Variants in ANAPC7 observed in about 807,000 individuals in gnomAD.
ANAPC7 encodes the protein anaphase promoting complex subunit 7.
In ANAPC7, 25 loss-of-function variants were observed where a neutral mutation model predicts 63.3. The ratio of observed to expected loss-of-function variants is 0.39; its 90% CI spans 0.29 to 0.55. ANAPC7 has a LOEUF of 0.55. ANAPC7 is among the 20% of genes least tolerant of loss of function. The probability of loss-of-function intolerance (pLI) is 0.57; values close to 1 mark genes in which losing one functional copy is unlikely to be tolerated. For synonymous variants in ANAPC7, 241 were observed against 251.7 expected (o/e 0.96, Z 0.40); for missense variants, 516 against 691.7 (o/e 0.75, Z 2.85).
chr12:110,382,459 AAAATATATATATATATAT>A lies in ANAPC7; in HGVS notation c.935+366_935+383del, dbSNP rs1248643440. 9.6e-5 allele frequency among the ~76,000 whole-genome samples: 5 copies of A among 51,984 alleles called. No homozygotes were observed. The Admixed American group carries it at 1.1e-3, about 11-fold the overall frequency. The allele number at this position is 51,984 out of a possible 152,430, so 34.1% of individuals were successfully genotyped here. On this transcript the variant is annotated intron_variant, in intron 7 of 10. Transcript: ENST00000455511. ...ATCCTTTTAAAAAAAAAAAAAAAAA[AAAATATATATATATATAT>A]ATATATATATATATATATTTATAGA...
Position 110,382,831 on chromosome 12 carries a change from G to A in ANAPC7, c.935+12C>T. 1.3e-6 allele frequency: 2 copies of A among 1,591,692 alleles called. No homozygotes were observed. The highest frequency in any genetic ancestry group is 1.7e-6 in the Non-Finnish European group (2 of 1,161,270). ...CTGACAACTGGGGAGAAAAGAGAAT[G>A]CATAATCATACCCAGAAACCACCCA... is the stretch of plus-strand genomic sequence containing the variant. On this transcript the variant is annotated intron_variant, in intron 7 of 10. Coordinates refer to ENST00000455511, the MANE Select transcript of ANAPC7 (RefSeq NM_016238.3).
intron 6 of ANAPC7, among the ~76,000 whole-genome samples, chr12:110,384,445 CT>C: frequency 6.6e-6 from 1 of 151,890 alleles, no homozygotes; most frequent in East Asian, 2.0e-4. Context: ...TGACTCATGC[CT>C]ATAATCCCAG....
chr12:110,388,005 T>C, intron 4 of ANAPC7, 113 bp from the exon 5 acceptor site: 7 of 1,100,178 alleles, frequency 6.4e-6, no homozygotes, highest in Non-Finnish European at 7.8e-6. Flanking sequence ...TTCCCTATTC[T>C]GAGCGATGCA....
chr12:110,396,304 G>C lies in ANAPC7; in HGVS notation c.250C>G (p.Pro84Ala), dbSNP rs760198290. 6.2e-7 allele frequency: 1 copy of C among 1,613,164 alleles called. No individual in the cohort carries two copies. The highest frequency in any genetic ancestry group is 1.3e-5 in the African/African-American group (1 of 74,846). Residue 84 changes from proline to alanine, a missense_variant, in exon 2 of 11, where the codon CCT (proline) becomes GCT (alanine). By Grantham distance (27) the Pro-to-Ala change is conservative. This residue lies in a region of ANAPC7 where 185 missense variants were observed against 200.3 expected (regional missense o/e 0.92). Coordinates refer to ENST00000455511, the MANE Select transcript of ANAPC7 (RefSeq NM_016238.3). ...KALSKTSKVR[P>A]STGNSASTPQ... The stretch of plus-strand genomic sequence containing the variant: ...GTAGATGCAGAATTTCCAGTTGAAG[G>C]TCTCACTTTTGAAGTTTTACTTAGC...
intron 1 of ANAPC7, 63 bp downstream of exon 1, chr12:110,403,463 GC>G (rs748151069): frequency 4.6e-6 from 7 of 1,519,994 alleles, no homozygotes; most frequent in Admixed American, 2.0e-5. Flanking sequence ...CGTGCCCTGA[GC>G]CCCCGCTCCC....
chr12:110,395,318 CTT>C (rs34713439), intron 2 of ANAPC7, 98 bp from the exon 3 acceptor site: 22,955 of 951,874 alleles, frequency 0.024, no homozygotes, highest in South Asian at 0.035. Context: ...CCCAGCAATT[CTT>C]TTTTTTTTTT....
rs150240373 is a variant in ANAPC7 at position 110,381,484 on chromosome 12, G to A, written c.1132+268C>T. Among the ~76,000 whole-genome samples, 85 of 152,208 alleles carry A rather than the reference G, an allele frequency of 5.6e-4. No individual in the cohort carries two copies. The East Asian group carries it at 0.014, about 24-fold the overall frequency. On this transcript the variant is annotated intron_variant, in intron 8 of 10. Transcript: ENST00000455511. ...CCCAAGTAGCTGGGACTACAGGTGT[G>A]AGCCACCATGCCCAGCTAATTTTTG...
chr12:110,400,097 A>C (rs1456169860), intron 1 of ANAPC7, among the ~76,000 whole-genome samples: 1 of 146,132 alleles, frequency 6.8e-6, no homozygotes, highest in East Asian at 1.9e-4. Flanking sequence ...TCTCCCCAGA[A>C]AAACAGAAAA....
intron 8 of ANAPC7, chr12:110,379,025 A>C (rs1349686557): frequency 1.3e-5 from 2 of 151,748 alleles, no homozygotes; most frequent in East Asian, 3.9e-4. Flanking sequence ...TGCCTGGCTA[A>C]ATTTGTTTCT....
intron 10 of ANAPC7, 82 bp from the exon 11 acceptor site, chr12:110,374,415 G>T: frequency 7.1e-7 from 1 of 1,399,918 alleles, no homozygotes. Context: ...TGGCCCGGCA[G>T]TGAAATGACC....
chr12:110,388,379 A>G, intron 4 of ANAPC7, 133 bp downstream of exon 4: 1 of 670,434 alleles, frequency 1.5e-6, no homozygotes, highest in South Asian at 2.1e-5. Context: ...ATGTGACAAC[A>G]GGAATCCTAC....
At chr12:110,397,325 C>T (rs898535825) in intron 1 of ANAPC7, among the ~76,000 whole-genome samples, 4 of 151,584 alleles carry the variant, frequency 2.6e-5, no homozygotes, top group Admixed American at 6.6e-5. Context: ...GAGGCTGAGG[C>T]GGGCAGATCA....
chr12:110,392,090 CACAAAAAAAA>C (rs1883147316), intron 3 of ANAPC7, among the ~76,000 whole-genome samples: 1 of 94,824 alleles, frequency 1.1e-5, no homozygotes, highest in African/African-American at 4.4e-5. Context: ...GACTCCACCT[CACAAAAAAAA>C]AAAAAAAAAA....
intron 1 of ANAPC7, among the ~76,000 whole-genome samples, chr12:110,396,683 G>GTT (rs113013763): frequency 0.032 from 4,624 of 146,110 alleles, 158 homozygotes; most frequent in African/African-American, 0.084. Flanking sequence ...GCTAATTTTT[G>GTT]TTTTTTTTTT....
intron 1 of ANAPC7, among the ~76,000 whole-genome samples, chr12:110,400,367 C>T (rs1023603550): frequency 2.0e-5 from 3 of 152,196 alleles, no homozygotes; most frequent in Non-Finnish European, 4.4e-5. Context: ...GGTAAAGATA[C>T]TGATCTGCAT....
chr12:110,400,256 A>T (rs1437896475), intron 1 of ANAPC7, among the ~76,000 whole-genome samples: 2 of 152,212 alleles, frequency 1.3e-5, no homozygotes, highest in East Asian at 3.8e-4. Flanking sequence ...TATAAGATAC[A>T]TGTCTACTTA....
chr12:110,380,048 C>T (rs1395474759), intron 8 of ANAPC7, among the ~76,000 whole-genome samples: 2 of 152,078 alleles, frequency 1.3e-5, no homozygotes, highest in Non-Finnish European at 2.9e-5. Flanking sequence ...AAGATGGCCA[C>T]GAAAAAGAAT....
At chr12:110,382,455 AAAAAAAATATAT>A (rs1451563420) in intron 7 of ANAPC7, among the ~76,000 whole-genome samples, 26 of 70,484 alleles carry the variant, frequency 3.7e-4, no homozygotes, top group African/African-American at 6.1e-4. Flanking sequence ...AAAAAAAAAA[AAAAAAAATATAT>A]ATATATATAT....
At chr12:110,390,360 C>T (rs1446776142) in intron 3 of ANAPC7, among the ~76,000 whole-genome samples, 1 of 152,254 alleles carries the variant, frequency 6.6e-6, no homozygotes, top group East Asian at 1.9e-4. Flanking sequence ...AGGCGTGAGC[C>T]ACCGTGTCTG....
Sources: gnomAD v4.1 joint callset for allele counts (sites outside exome capture counted in the v4.1 genomes callset) on GRCh38, gnomAD v4.1.1 for gene constraint, gnomAD v4.1.1 regional missense constraint, MANE v1.5 for transcripts, NCBI Gene and HGNC (gene_info 2026-07-23, HGNC 2026-07-21) for gene names.